THSD7B: variants seen among roughly 807,000 people sequenced by gnomAD.
THSD7B encodes thrombospondin type 1 domain containing 7B.
A neutral mutation model predicts 213.6 loss-of-function variants in THSD7B; 138 were observed. That is an observed-to-expected ratio of 0.65 (90% CI 0.56 to 0.74). THSD7B has a LOEUF of 0.74. Ranked by LOEUF, THSD7B falls within the 30% of genes least tolerant of loss-of-function variation. THSD7B has a pLI of 0.00. For missense variants in THSD7B, 1,931 were observed against 1,991.5 expected (o/e 0.97, Z 0.58); for synonymous variants, 742 against 687.0 (o/e 1.08, Z -1.25).
chr2:137,474,717 A>G (rs1688160538), intron 15 of THSD7B, among the ~76,000 whole-genome samples: 1 of 152,190 alleles, frequency 6.6e-6, no homozygotes, highest in South Asian at 2.1e-4. Context: ...GTCGTCCCTT[A>G]AAATTCTTAG....
chr2:137,377,864 A>G (rs1685693886), intron 12 of THSD7B, among the ~76,000 whole-genome samples: 1 of 152,016 alleles, frequency 6.6e-6, no homozygotes. Flanking sequence ...TGACCTCGTG[A>G]TCCACCCGCC....
chr2:136,926,680 C>G (rs555377277), intron 2 of THSD7B, among the ~76,000 whole-genome samples: 2 of 143,752 alleles, frequency 1.4e-5, no homozygotes, highest in Non-Finnish European at 3.0e-5. Context: ...GATGACAGAA[C>G]GAGACCTTAT....
intron 2 of THSD7B, among the ~76,000 whole-genome samples, chr2:137,055,135 T>C (rs991712133): frequency 6.6e-6 from 1 of 152,208 alleles, no homozygotes; most frequent in Admixed American, 6.5e-5. Context: ...GGCTGCATAG[T>C]ATTCCATGGT....
intron 15 of THSD7B, among the ~76,000 whole-genome samples, chr2:137,464,183 A>G (rs1261515695): frequency 6.6e-6 from 1 of 152,010 alleles, no homozygotes; most frequent in African/African-American, 2.4e-5. Flanking sequence ...ATTACATTAC[A>G]ATATGATTTC....
At chr2:137,000,080 C>T (rs1685973328) in intron 2 of THSD7B, among the ~76,000 whole-genome samples, 1 of 152,176 alleles carries the variant, frequency 6.6e-6, no homozygotes, top group Non-Finnish European at 1.5e-5. Flanking sequence ...CTATCGGTTT[C>T]TCTCTGGCAT....
At chr2:136,844,903 C>T (rs1682983371) in intron 1 of THSD7B, among the ~76,000 whole-genome samples, 1 of 152,222 alleles carries the variant, frequency 6.6e-6, no homozygotes, top group Admixed American at 6.5e-5. Flanking sequence ...GCTAGGTTTG[C>T]CAACACTTTA....
At chr2:136,812,540 A>G (rs1257189385) in intron 1 of THSD7B, among the ~76,000 whole-genome samples, 1 of 152,214 alleles carries the variant, frequency 6.6e-6, no homozygotes, top group African/African-American at 2.4e-5. Context: ...AATAAGAACT[A>G]CTATTTATTG....
intron 15 of THSD7B, among the ~76,000 whole-genome samples, chr2:137,516,309 T>A (rs140420588): frequency 6.6e-6 from 1 of 152,332 alleles, no homozygotes; most frequent in Non-Finnish European, 1.5e-5. Context: ...GAATCACTGA[T>A]CCTCAATCAA....
At chr2:137,001,846 ACTTTT>A (rs1686005660) in intron 2 of THSD7B, among the ~76,000 whole-genome samples, 1 of 151,838 alleles carries the variant, frequency 6.6e-6, no homozygotes, top group Non-Finnish European at 1.5e-5. Context: ...TACTTTTCTG[ACTTTT>A]AATTGCATTT....
chr2:137,336,310 T>G (rs1287155702), intron 12 of THSD7B, among the ~76,000 whole-genome samples: 1 of 152,192 alleles, frequency 6.6e-6, no homozygotes, highest in Admixed American at 6.5e-5. Context: ...CCACAACCTA[T>G]TATCTTCTGA....
chr2:136,979,281 T>C (rs1685536372), intron 2 of THSD7B, among the ~76,000 whole-genome samples: 1 of 152,136 alleles, frequency 6.6e-6, no homozygotes, highest in Non-Finnish European at 1.5e-5. Context: ...GGAGTTGATC[T>C]TCTCATGGAA....
chr2:137,446,159 G>T (rs1024381257), intron 14 of THSD7B, among the ~76,000 whole-genome samples: 1 of 151,858 alleles, frequency 6.6e-6, no homozygotes, highest in African/African-American at 2.4e-5. Flanking sequence ...AATTAATCTA[G>T]GTTATTTTCT....
chr2:137,561,401 C>A (rs1188689495), intron 15 of THSD7B, among the ~76,000 whole-genome samples: 2 of 152,084 alleles, frequency 1.3e-5, no homozygotes, highest in African/African-American at 4.8e-5. Flanking sequence ...TATCTCAACC[C>A]TTTGCTCTTA....
rs1682260211 is a variant in THSD7B, at chr2:137,610,064, G to T, written c.3424-6111G>T. The stretch of plus-strand genomic sequence containing the variant: ...AAGATTAGAAGAGGATGCTGGGGAT[G>T]GGGATATCAGTTTGTTATTGTGCAC... On this transcript the variant is annotated intron_variant, in intron 17 of 27. Transcript: ENST00000409968. 2.0e-5 allele frequency among the ~76,000 whole-genome samples: 3 copies of T among 152,158 alleles called. No individual in the cohort carries two copies. The South Asian group carries it at 6.2e-4, about 31-fold the overall frequency.
chr2:137,300,704 A>G (rs1411987438), intron 12 of THSD7B, among the ~76,000 whole-genome samples: 1 of 152,188 alleles, frequency 6.6e-6, no homozygotes, highest in Non-Finnish European at 1.5e-5. Context: ...CACATGCTGG[A>G]AAAAGGAAAA....
chr2:137,516,657 G>A lies in THSD7B; in HGVS notation c.3139-46564G>A, dbSNP rs115753065. 9.6e-3 allele frequency among the ~76,000 whole-genome samples: 1,454 copies of A among 152,214 alleles called. 9 individuals are homozygous for A. Among genetic ancestry groups the A allele is most frequent in the South Asian group, 0.023 (113 of 4,822 alleles). On this transcript the variant is annotated intron_variant, in intron 15 of 27. Transcript: ENST00000409968. The stretch of plus-strand genomic sequence containing the variant: ...GGTCTGACTTACAGTGGCTCCAGTG[G>A]GTCCACGGACTCATTCTGTGGTCAT...
chr2:136,971,639 T>TACACACACACAC (rs6146927), intron 2 of THSD7B, among the ~76,000 whole-genome samples: 38,174 of 134,958 alleles, frequency 0.28, 6,686 homozygotes, highest in Non-Finnish European at 0.37. Flanking sequence ...CAACAACAAA[T>TACACACACACAC]ACACACACAC....
chr2:136,876,783 C>T (rs1683531868), intron 1 of THSD7B, among the ~76,000 whole-genome samples: 1 of 152,136 alleles, frequency 6.6e-6, no homozygotes, highest in African/African-American at 2.4e-5. Context: ...GCTGAGATTC[C>T]AGGGCTTCTA....
chr2:137,155,765 T>C (rs1278133633), intron 5 of THSD7B, among the ~76,000 whole-genome samples: 1 of 152,200 alleles, frequency 6.6e-6, no homozygotes, highest in African/African-American at 2.4e-5. Flanking sequence ...GATTTGGATT[T>C]TATTTAAAGG....
Sources: allele counts gnomAD v4.1 joint callset (sites outside exome capture counted in the v4.1 genomes callset), GRCh38; gene constraint gnomAD v4.1.1; transcripts MANE v1.5; gene names NCBI Gene and HGNC (gene_info 2026-07-23, HGNC 2026-07-21).